Variants in RGL1 observed in about 807,000 individuals in gnomAD.
RGL1 encodes ral guanine nucleotide dissociation stimulator-like 1.
A neutral mutation model predicts 95.2 loss-of-function variants in RGL1; 24 were observed. The ratio of observed to expected loss-of-function variants is 0.25; its 90% CI spans 0.18 to 0.35. The LOEUF (loss-of-function observed/expected upper bound fraction) is 0.35, where lower values mean the gene tolerates loss of function less well. RGL1 is among the 10% of genes least tolerant of loss of function. RGL1 has a pLI of 1.00. For missense variants in RGL1, 715 were observed against 936.3 expected, an observed-to-expected ratio of 0.76 and a Z score of 3.08; for synonymous variants, 329 against 344.9, an observed-to-expected ratio of 0.95 and a Z score of 0.51.
chr1:183,802,621 A>AAAAAG (rs71130641), upstream of RGL1, among the ~76,000 whole-genome samples: 1 of 143,488 alleles, frequency 7.0e-6, no homozygotes, highest in African/African-American at 2.7e-5. Context: ...AAAAAAAAAA[A>AAAAAG]CCCTTATAAA....
chr1:183,794,270 A>T (rs1039463731), intron 2 of RGL1, among the ~76,000 whole-genome samples: 1 of 152,228 alleles, frequency 6.6e-6, no homozygotes, highest in African/African-American at 2.4e-5. Context: ...AATGATGTTT[A>T]CCAGAGAGGC....
chr1:183,816,957 C>A (rs12354243), intron 2 of RGL1, among the ~76,000 whole-genome samples: 8,260 of 151,462 alleles, frequency 0.055, 676 homozygotes, highest in African/African-American at 0.19. Flanking sequence ...GAAAAAAAAA[C>A]CCCATACTCA....
chr1:183,654,165 C>G (rs1292922872), intron 1 of RGL1, among the ~76,000 whole-genome samples: 1 of 152,206 alleles, frequency 6.6e-6, no homozygotes, highest in Non-Finnish European at 1.5e-5. Context: ...CAGCACACAT[C>G]CTTTCTCATC....
chr1:183,869,073 G>A (rs1312498640), intron 4 of RGL1, among the ~76,000 whole-genome samples: 7 of 152,294 alleles, frequency 4.6e-5, no homozygotes, highest in Admixed American at 6.5e-5. Context: ...AGCCATGATC[G>A]TGCCACTGCA....
chr1:183,648,955 A>G, intron 1 of RGL1: 2 of 572,150 alleles, frequency 3.5e-6, no homozygotes, highest in Non-Finnish European at 6.0e-6. Flanking sequence ...CTCAGGATTC[A>G]TTATTCTTTA....
intron 1 of RGL1, among the ~76,000 whole-genome samples, chr1:183,650,995 T>C (rs971033288): frequency 6.6e-6 from 1 of 152,184 alleles, no homozygotes; most frequent in African/African-American, 2.4e-5. Flanking sequence ...TCCTTATTGG[T>C]TTGCAAGACA....
chr1:183,850,414 C>T (rs966665005), intron 3 of RGL1, among the ~76,000 whole-genome samples: 32 of 152,124 alleles, frequency 2.1e-4, no homozygotes, highest in African/African-American at 7.7e-4. Context: ...CTTTAATAAT[C>T]AAGTTATATT....
chr1:183,761,000 C>A (rs1376890981), intron 2 of RGL1, among the ~76,000 whole-genome samples: 1 of 152,214 alleles, frequency 6.6e-6, no homozygotes, highest in Non-Finnish European at 1.5e-5. Context: ...ACTTCTAATT[C>A]TAGTTCTCTT....
At chr1:183,750,598 C>T (rs751015577) in intron 2 of RGL1, among the ~76,000 whole-genome samples, 25 of 146,716 alleles carry the variant, frequency 1.7e-4, no homozygotes, top group Non-Finnish European at 3.2e-4. Context: ...GTTTTGTTCC[C>T]TTGCTGGTGA....
chr1:183,866,181 ATAG>A (rs1665825186), intron 4 of RGL1, 108 bp downstream of exon 4: 1 of 879,224 alleles, frequency 1.1e-6, no homozygotes, highest in African/African-American at 1.7e-5. Context: ...TTTTTTTTCC[ATAG>A]TGCATACAGA....
At chr1:183,858,489 T>G (rs1242589906) in intron 3 of RGL1, among the ~76,000 whole-genome samples, 1 of 152,128 alleles carries the variant, frequency 6.6e-6, no homozygotes, top group East Asian at 1.9e-4. Context: ...GATCCTAGCT[T>G]TATTATAACT....
intron 8 of RGL1, among the ~76,000 whole-genome samples, chr1:183,889,451 C>T (rs778547422): frequency 5.3e-5 from 8 of 152,154 alleles, no homozygotes; most frequent in African/African-American, 9.7e-5. Context: ...AGAGGGATGC[C>T]AGCTGGCTTC....
chr1:183,655,916 G>T (rs1651122794), intron 1 of RGL1, among the ~76,000 whole-genome samples: 1 of 152,102 alleles, frequency 6.6e-6, no homozygotes, highest in African/African-American at 2.4e-5. Flanking sequence ...CTCTCTGTGG[G>T]AAAGGACCAA....
chr1:183,835,049 G>A (rs1031044068), intron 2 of RGL1, among the ~76,000 whole-genome samples: 10 of 152,210 alleles, frequency 6.6e-5, no homozygotes, highest in Admixed American at 3.3e-4. Context: ...GAAATGATGA[G>A]CATCTTCTTA....
At chr1:183,793,002 C>T (rs1558209861) in intron 2 of RGL1, among the ~76,000 whole-genome samples, 1 of 152,028 alleles carries the variant, frequency 6.6e-6, no homozygotes. Context: ...GCAAAAAGAA[C>T]AAAGCTGGAG....
chr1:183,908,421 G>A (rs1668463452), intron 14 of RGL1, among the ~76,000 whole-genome samples: 2 of 152,188 alleles, frequency 1.3e-5, no homozygotes, highest in African/African-American at 4.8e-5. Flanking sequence ...GTTGGAACAT[G>A]CGCTTTAGTA....
At chr1:183,773,011 G>A (rs928331260) in intron 2 of RGL1, among the ~76,000 whole-genome samples, 17 of 68,428 alleles carry the variant, frequency 2.5e-4, no homozygotes, top group African/African-American at 3.9e-4. Flanking sequence ...GCAAGACTCC[G>A]TCTCAAAAAA....
intron 2 of RGL1, among the ~76,000 whole-genome samples, chr1:183,800,004 G>A (rs1660902629): frequency 6.6e-6 from 1 of 152,106 alleles, no homozygotes; most frequent in Non-Finnish European, 1.5e-5. Flanking sequence ...CTCATGATAA[G>A]CATGACAAGA....
intron 2 of RGL1, among the ~76,000 whole-genome samples, chr1:183,749,759 G>T (rs915123627): frequency 6.6e-6 from 1 of 152,132 alleles, no homozygotes; most frequent in African/African-American, 2.4e-5. Flanking sequence ...AGGCCTGGTG[G>T]TGACAAAATC....
Sources: allele counts gnomAD v4.1 joint callset (sites outside exome capture counted in the v4.1 genomes callset), GRCh38; gene constraint gnomAD v4.1.1; transcripts MANE v1.5; gene names NCBI Gene and HGNC (gene_info 2026-07-23, HGNC 2026-07-21).